Variants in ATP5MK observed in about 807,000 individuals in gnomAD.
The protein encoded by ATP5MK is ATP synthase F(0) complex subunit k, mitochondrial.
ATP5MK carries 5 observed loss-of-function variants against 6.6 expected under a neutral mutation model. The ratio of observed to expected loss-of-function variants is 0.76; its 90% CI spans 0.40 to 1.60. ATP5MK has a LOEUF of 1.60. ATP5MK is among the 40% of genes most tolerant of loss of function. The pLI is 0.02. For missense variants in ATP5MK, 57 were observed against 66.6 expected, an observed-to-expected ratio of 0.86 and a Z score of 0.50; for synonymous variants, 30 against 24.5, an observed-to-expected ratio of 1.22 and a Z score of -0.66.
intron 4 of ATP5MK, among the ~76,000 whole-genome samples, chr10:103,390,012 G>A (rs1277369509): frequency 2.0e-5 from 3 of 152,092 alleles, no homozygotes; most frequent in Non-Finnish European, 2.9e-5. Flanking sequence ...GATTACAGGC[G>A]TGAGCCACCA....
At chr10:103,392,324 A>G in intron 3 of ATP5MK, 41 bp from the exon 4 acceptor site, 1 of 1,596,490 alleles carries the variant, frequency 6.3e-7, no homozygotes, top group South Asian at 1.1e-5. Flanking sequence ...TTGTTGTTCC[A>G]TCTATATTAT....
chr10:103,394,912 G>A (rs765994321), intron 2 of ATP5MK, among the ~76,000 whole-genome samples: 3 of 151,946 alleles, frequency 2.0e-5, no homozygotes, highest in Non-Finnish European at 2.9e-5. Context: ...TTTTTAGGAG[G>A]ATATGCCCAA....
At chr10:103,394,967 T>A (rs2093426525) in intron 2 of ATP5MK, among the ~76,000 whole-genome samples, 1 of 152,014 alleles carries the variant, frequency 6.6e-6, no homozygotes, top group South Asian at 2.1e-4. Context: ...ACACACAATA[T>A]GGGAGGAAGG....
At chr10:103,392,642 A>AT (rs3215263) in intron 2 of ATP5MK, among the ~76,000 whole-genome samples, 176 bp from the exon 3 acceptor site, 61,676 of 151,972 alleles carry the variant, frequency 0.41, 13,274 homozygotes, top group South Asian at 0.64. Context: ...AGCCTTCCTG[A>AT]AAGAAAAGCT....
Position 103,390,907 on chromosome 10 carries a change from T to G in ATP5MK, c.*3+1284A>C, listed in dbSNP as rs982659315. ...ATTTAAAGGGTGGGCAAATGGGGGT[T>G]GGAGGATTATAAGAAAATAAAACCT... On this transcript the variant is annotated intron_variant, in intron 4 of 4. Transcript: ENST00000369815. 2.0e-5 allele frequency among the ~76,000 whole-genome samples: 3 copies of G among 152,116 alleles called. No homozygotes were observed. The East Asian group carries it at 5.8e-4, about 29-fold the overall frequency.
At chr10:103,395,649 A>C (rs929012608) in intron 2 of ATP5MK, 97 bp downstream of exon 2, 7 of 152,246 alleles carry the variant, frequency 4.6e-5, no homozygotes, top group South Asian at 2.1e-4. Flanking sequence ...TCCACCTGTG[A>C]GATGGGCACT....
intron 2 of ATP5MK, among the ~76,000 whole-genome samples, chr10:103,393,283 T>C (rs2093419838): frequency 1.3e-5 from 2 of 151,960 alleles, no homozygotes; most frequent in Admixed American, 1.3e-4. Context: ...TTGCTTGGAG[T>C]ATAAACTGGT....
intron 2 of ATP5MK, among the ~76,000 whole-genome samples, chr10:103,395,383 C>T (rs1320849394): frequency 2.6e-5 from 4 of 152,194 alleles, no homozygotes; most frequent in Admixed American, 6.5e-5. Context: ...CTGCAATCTC[C>T]GCTTCCCGGG....
chr10:103,389,930 C>G (rs1340967851), intron 4 of ATP5MK, among the ~76,000 whole-genome samples: 5 of 151,322 alleles, frequency 3.3e-5, no homozygotes, highest in Admixed American at 3.3e-4. Context: ...TGGGGTTTCA[C>G]CATGTTGGCC....
At chr10:103,393,148 A>G (rs1472379655) in intron 2 of ATP5MK, among the ~76,000 whole-genome samples, 1 of 152,236 alleles carries the variant, frequency 6.6e-6, no homozygotes, top group Non-Finnish European at 1.5e-5. Context: ...AACCAAAAAA[A>G]ACATAAAACC....
chr10:103,393,590 A>AAAT (rs1554872727), intron 2 of ATP5MK, among the ~76,000 whole-genome samples: 4 of 151,770 alleles, frequency 2.6e-5, no homozygotes, highest in East Asian at 3.8e-4. Context: ...AAAAAAAAAA[A>AAAT]AAATAAATAA....
intron 4 of ATP5MK, among the ~76,000 whole-genome samples, chr10:103,390,790 CA>C (rs879504860): frequency 8.8e-4 from 123 of 140,258 alleles, no homozygotes; most frequent in Non-Finnish European, 8.9e-4. Flanking sequence ...AACTCCATCT[CA>C]AAAAAAAAAA....
In ATP5MK at chr10:103,392,431, T is replaced by A; in HGVS notation, c.27A>T (p.Gln9His). Residue 9 changes from glutamine (Q) to histidine (H), a missense_variant, in exon 3 of 5, where the codon CAA (glutamine) becomes CAT (histidine). Transcript: ENST00000369815. ...ATTTTTTAATACCAGTGAACTGGTA[T>A]TGCGCATCACTTTCTGGACCTGCCA... The part of the protein sequence containing the change: MAGPESDA[Q>H]YQFTGIKKYF... The A allele has an allele frequency of 6.2e-7, 1 of 1,606,422 alleles. No individual in the cohort carries two copies. Among genetic ancestry groups the A allele is most frequent in the South Asian group, 1.1e-5 (1 of 88,636 alleles).
At chr10:103,392,714 C>T (rs2093418246) in intron 2 of ATP5MK, among the ~76,000 whole-genome samples, 1 of 152,226 alleles carries the variant, frequency 6.6e-6, no homozygotes, top group African/African-American at 2.4e-5. Flanking sequence ...CATCAAATCA[C>T]ACAATAGCCC....
At chr10:103,393,376 C>A (rs185812374) in intron 2 of ATP5MK, among the ~76,000 whole-genome samples, 2 of 151,980 alleles carry the variant, frequency 1.3e-5, no homozygotes, top group East Asian at 1.9e-4. Flanking sequence ...GTCAGGAGAT[C>A]GAGACCATCC....
chr10:103,394,766 C>A (rs1459814803), intron 2 of ATP5MK, among the ~76,000 whole-genome samples: 2 of 127,848 alleles, frequency 1.6e-5, no homozygotes, highest in Non-Finnish European at 1.6e-5. Context: ...CCCCCACCAG[C>A]TCCATTCATT....
rs2093418686 is a variant in ATP5MK, at chr10:103,392,866, CAACTA to C, written c.-9-405_-9-401del. Among the ~76,000 whole-genome samples, 3 of 152,150 alleles carry C rather than the reference CAACTA, an allele frequency of 2.0e-5. No homozygotes were observed. In the South Asian group the frequency reaches 6.2e-4, roughly 31 times the overall value. On this transcript the variant is annotated intron_variant, in intron 2 of 4. Coordinates refer to ENST00000369815, the MANE Select transcript of ATP5MK (RefSeq NM_001206427.2). ...TTTCAAACATTCAACGGGTGACCATCAACTAAACAGCTCAATTACAACCCCTACTT... is the reference window on the plus strand; with the variant it reads ...TTTCAAACATTCAACGGGTGACCATCAACAGCTCAATTACAACCCCTACTT...
chr10:103,392,108 GGTTT>G (rs1262688285), intron 4 of ATP5MK, 79 bp downstream of exon 4: 19 of 1,319,578 alleles, frequency 1.4e-5, no homozygotes, highest in Admixed American at 2.4e-5. Flanking sequence ...AAATGACAAT[GGTTT>G]ATTTTTATAC....
chr10:103,389,792 C>T (rs750910391), intron 4 of ATP5MK, among the ~76,000 whole-genome samples: 33 of 151,968 alleles, frequency 2.2e-4, no homozygotes, highest in Admixed American at 4.6e-4. Context: ...AGTGTAGCAG[C>T]GCAATCTCGG....
Sources: gnomAD v4.1 joint callset for allele counts (sites outside exome capture counted in the v4.1 genomes callset) on GRCh38, gnomAD v4.1.1 for gene constraint, MANE v1.5 for transcripts, NCBI Gene and HGNC (gene_info 2026-07-23, HGNC 2026-07-21) for gene names.